PRKD1: variants seen among roughly 807,000 people sequenced by gnomAD.
The protein encoded by PRKD1 is protein kinase D1.
Under a neutral mutation model 95.9 loss-of-function variants are expected in PRKD1, and 63 were observed. The observed-to-expected ratio is 0.66, with a 90% CI of 0.54 to 0.81. PRKD1 has a LOEUF of 0.81. Ranked by LOEUF, PRKD1 falls within the 30% of genes least tolerant of loss-of-function variation. The pLI, the probability that PRKD1 is intolerant of heterozygous loss-of-function variation, is 0.00. For synonymous variants in PRKD1, 425 were observed against 423.1 expected (o/e 1.00, Z -0.05); for missense variants, 1,048 against 1,165.3 (o/e 0.90, Z 1.47).
At chr14:29,841,709 G>C (rs1891853429) in intron 1 of PRKD1, among the ~76,000 whole-genome samples, 1 of 152,000 alleles carries the variant, frequency 6.6e-6, no homozygotes, top group Admixed American at 6.5e-5. Flanking sequence ...CATGAAAAGA[G>C]ACTAATACAA....
At chr14:29,765,410 AAC>A (rs1421369632) in intron 1 of PRKD1, among the ~76,000 whole-genome samples, 1 of 152,178 alleles carries the variant, frequency 6.6e-6, no homozygotes, top group African/African-American at 2.4e-5. Flanking sequence ...AGAACTGAAA[AAC>A]AGTCACTCTC....
chr14:29,773,413 T>C (rs1888596127), intron 1 of PRKD1, among the ~76,000 whole-genome samples: 1 of 150,878 alleles, frequency 6.6e-6, no homozygotes, highest in Non-Finnish European at 1.5e-5. Flanking sequence ...TGAGCTGAGA[T>C]TGTGCCAATG....
At position 29,716,695 on chromosome 14, in the gene PRKD1, T is replaced by C. The variant is rs1385445667; in HGVS notation, c.403+8841A>G. On this transcript the variant is annotated intron_variant, in intron 2 of 17. Transcript: ENST00000331968. ...GGGTACATCAAAAAGGAGTAACTAC[T>C]GAATACATCTCAGAAAGAAAGCAAG... Among the ~76,000 whole-genome samples, 3 of 152,274 alleles carry C rather than the reference T, an allele frequency of 2.0e-5. No individual in the cohort carries two copies. The East Asian group carries it at 5.8e-4, about 29-fold the overall frequency.
intron 1 of PRKD1, among the ~76,000 whole-genome samples, chr14:29,900,411 A>C (rs986549643): frequency 1.3e-5 from 2 of 152,168 alleles, no homozygotes; most frequent in Non-Finnish European, 2.9e-5. Context: ...AATCTTGACA[A>C]CAGAGCAGTT....
chr14:29,850,927 G>T (rs1892285439), intron 1 of PRKD1, among the ~76,000 whole-genome samples: 1 of 151,242 alleles, frequency 6.6e-6, no homozygotes. Context: ...CAGAATAGAG[G>T]ACCCAGAAAT....
intron 1 of PRKD1, among the ~76,000 whole-genome samples, chr14:29,847,862 TTC>T (rs143640198): frequency 2.0e-5 from 3 of 150,938 alleles, no homozygotes; most frequent in South Asian, 2.1e-4. Flanking sequence ...TGCATGCGTG[TTC>T]TCTCTCTCTC....
In PRKD1 at chr14:29,876,708, AAAAC is replaced by A. The variant is rs776998956; in HGVS notation, c.264+50537_264+50540del. On this transcript the variant is annotated intron_variant, in intron 1 of 17. Transcript: ENST00000331968. ...TTATAAAAACTCCAACTCTACAGCA[AAAAC>A]AAACAAACAAAAAAAAACAAAAAAA... Among the ~76,000 whole-genome samples the A allele has an allele frequency of 1.8e-3, 273 of 151,770 alleles. 2 individuals carry two copies. The highest frequency in any genetic ancestry group is 5.8e-3 in the South Asian group (28 of 4,822).
At chr14:29,751,180 T>C (rs183395054) in intron 1 of PRKD1, 1 of 152,304 alleles carries the variant, frequency 6.6e-6, no homozygotes, top group Admixed American at 6.5e-5. Context: ...TGATCAATTA[T>C]AGAATCCTAG....
chr14:29,727,930 T>C (rs1886241372), intron 1 of PRKD1, among the ~76,000 whole-genome samples: 1 of 151,408 alleles, frequency 6.6e-6, no homozygotes, highest in Non-Finnish European at 1.5e-5. Context: ...AAACACCGCA[T>C]ATTCTCACTC....
At chr14:29,716,467 G>A (rs1885615099) in intron 2 of PRKD1, among the ~76,000 whole-genome samples, 2 of 152,128 alleles carry the variant, frequency 1.3e-5, no homozygotes, top group South Asian at 4.1e-4. Flanking sequence ...GAGGAGGAGG[G>A]GAAGAAGGAA....
chr14:29,615,819 G>C (rs751563332), intron 13 of PRKD1, among the ~76,000 whole-genome samples: 8 of 152,224 alleles, frequency 5.3e-5, no homozygotes, highest in Non-Finnish European at 1.0e-4. Flanking sequence ...TGAAGGAAGA[G>C]TTCTTGCCTA....
intron 2 of PRKD1, among the ~76,000 whole-genome samples, chr14:29,716,517 C>G (rs1010633672): frequency 3.9e-5 from 6 of 152,278 alleles, no homozygotes; most frequent in East Asian, 3.9e-4. Context: ...TATCAATCCT[C>G]TTTCCTTCCA....
intron 1 of PRKD1, among the ~76,000 whole-genome samples, chr14:29,869,873 T>C (rs1344806316): frequency 6.6e-6 from 1 of 152,164 alleles, no homozygotes; most frequent in African/African-American, 2.4e-5. Context: ...AATATTTGCT[T>C]TTCTTTGAAA....
At chr14:29,618,780 G>GA (rs1416942564) in intron 13 of PRKD1, among the ~76,000 whole-genome samples, 2 of 105,928 alleles carry the variant, frequency 1.9e-5, no homozygotes, top group African/African-American at 8.1e-5. Context: ...AAAATGAAAT[G>GA]GAAAAAAAAA....
chr14:29,895,122 G>C (rs1894077035), intron 1 of PRKD1, among the ~76,000 whole-genome samples: 1 of 152,060 alleles, frequency 6.6e-6, no homozygotes, highest in African/African-American at 2.4e-5. Flanking sequence ...ACAAGGTCAG[G>C]GGTTCGAGAC....
intron 1 of PRKD1, among the ~76,000 whole-genome samples, chr14:29,852,735 A>T (rs1490194160): frequency 1.3e-5 from 2 of 152,196 alleles, no homozygotes; most frequent in East Asian, 3.8e-4. Flanking sequence ...TTGAAAAGAA[A>T]ATGAAATGAA....
chr14:29,789,213 TG>T (rs1189361945), intron 1 of PRKD1, among the ~76,000 whole-genome samples: 1 of 152,162 alleles, frequency 6.6e-6, no homozygotes, highest in Admixed American at 6.5e-5. Flanking sequence ...TATCGTTACT[TG>T]GAATTATCTT....
intron 1 of PRKD1, among the ~76,000 whole-genome samples, chr14:29,921,240 T>C (rs1190350478): frequency 6.6e-6 from 1 of 152,164 alleles, no homozygotes; most frequent in Non-Finnish European, 1.5e-5. Flanking sequence ...CCTTAAAGAA[T>C]GCTGAGAGTT....
intron 16 of PRKD1, 63 bp from the exon 17 acceptor site, chr14:29,578,423 G>C: frequency 3.2e-6 from 4 of 1,241,584 alleles, no homozygotes; most frequent in Non-Finnish European, 4.5e-6. Context: ...TTCATTTATA[G>C]TTTATTTCAC....
Sources: gnomAD v4.1 joint callset for allele counts (sites outside exome capture counted in the v4.1 genomes callset) on GRCh38, gnomAD v4.1.1 for gene constraint, MANE v1.5 for transcripts, NCBI Gene and HGNC (gene_info 2026-07-23, HGNC 2026-07-21) for gene names.